The following THSD7B variants were observed in gnomAD, a reference collection of about 807,000 sequenced individuals.
THSD7B encodes the protein thrombospondin type-1 domain-containing protein 7B.
THSD7B carries 138 observed loss-of-function variants against 213.6 expected under a neutral mutation model. That is an observed-to-expected ratio of 0.65 (90% CI 0.56 to 0.74). The LOEUF (loss-of-function observed/expected upper bound fraction) is 0.74, where lower values mean the gene tolerates loss of function less well. Ranked by LOEUF, THSD7B falls within the 30% of genes least tolerant of loss-of-function variation. The pLI is 0.00. For synonymous variants in THSD7B, 742 were observed against 687.0 expected (o/e 1.08, Z -1.25); for missense variants, 1,931 against 1,991.5 (o/e 0.97, Z 0.58).
At chr2:137,419,541 C>CT (rs1179021388) in intron 14 of THSD7B, among the ~76,000 whole-genome samples, 2 of 151,292 alleles carry the variant, frequency 1.3e-5, no homozygotes, top group African/African-American at 4.8e-5. Flanking sequence ...GGGTCCAGGG[C>CT]TTTTATGTGT....
chr2:137,104,666 C>T (rs1183994630), intron 4 of THSD7B, among the ~76,000 whole-genome samples: 5 of 151,650 alleles, frequency 3.3e-5, no homozygotes, highest in Non-Finnish European at 5.9e-5. Context: ...GCTAGCCAGA[C>T]TAATAAAGAA....
chr2:137,061,115 T>C (rs1019476755), intron 3 of THSD7B, among the ~76,000 whole-genome samples: 1 of 151,834 alleles, frequency 6.6e-6, no homozygotes, highest in South Asian at 2.1e-4. Flanking sequence ...ACATAAATGG[T>C]ATTGTGTTTT....
At chr2:137,369,177 A>G (rs1255530582) in intron 12 of THSD7B, among the ~76,000 whole-genome samples, 1 of 151,064 alleles carries the variant, frequency 6.6e-6, no homozygotes, top group East Asian at 1.9e-4. Flanking sequence ...ATTTTTGACA[A>G]CTTTAGACAC....
At chr2:137,071,126 A>G (rs1032484075) in intron 3 of THSD7B, among the ~76,000 whole-genome samples, 4 of 152,200 alleles carry the variant, frequency 2.6e-5, no homozygotes, top group African/African-American at 9.7e-5. Flanking sequence ...TAGATCCCTG[A>G]GGAATCGCCA....
At chr2:136,958,690 G>A (rs2105081756) in intron 2 of THSD7B, among the ~76,000 whole-genome samples, 1 of 152,172 alleles carries the variant, frequency 6.6e-6, no homozygotes, top group East Asian at 1.9e-4. Flanking sequence ...GGAACAGTGA[G>A]TTACCTTATT....
At chr2:137,132,292 G>A (rs1688749802) in intron 5 of THSD7B, among the ~76,000 whole-genome samples, 1 of 151,322 alleles carries the variant, frequency 6.6e-6, no homozygotes, top group Admixed American at 6.6e-5. Flanking sequence ...TGAGACAATG[G>A]GGTTTTCTAG....
chr2:137,637,850 A>G (rs1471005183), intron 20 of THSD7B, among the ~76,000 whole-genome samples: 4 of 152,228 alleles, frequency 2.6e-5, no homozygotes, highest in Non-Finnish European at 5.9e-5. Flanking sequence ...AGGTGACACC[A>G]CATTGTCATT....
At position 137,667,785 on chromosome 2, in the gene THSD7B, A is replaced by C. The variant is rs1404707491; in HGVS notation, c.4663A>C (p.Lys1555Gln). 2 of 1,604,784 alleles carry C rather than the reference A, an allele frequency of 1.2e-6. No homozygotes were observed. The highest frequency in any genetic ancestry group is 1.7e-6 in the Non-Finnish European group (2 of 1,175,016). Reference sequence around the variant, plus strand: ...TCTATTTTAAACAGATGGCCGAGTAAAAATTTGGGTTTATGGCGTTTCAGG... The same window carrying C: ...TCTATTTTAAACAGATGGCCGAGTACAAATTTGGGTTTATGGCGTTTCAGG... ...LQPLDPDGRVKIWVYGVSGGA... is the reference protein window; with the variant it reads ...LQPLDPDGRVQIWVYGVSGGA... The change falls in exon 27 of 28, where the codon AAA becomes CAA. Residue 1555 changes from lysine to glutamine, a missense_variant. Physicochemically the swap from Lys to Gln is moderately conservative, Grantham distance 53 (BLOSUM62 1). Coordinates refer to ENST00000409968, the MANE Select transcript of THSD7B (RefSeq NM_001316349.2).
chr2:137,373,711 G>C (rs1185763784), intron 12 of THSD7B, among the ~76,000 whole-genome samples: 2 of 152,138 alleles, frequency 1.3e-5, no homozygotes. Context: ...AATTAGATTC[G>C]ATTTGTCAAT....
At chr2:137,519,026 T>C (rs1680128669) in intron 15 of THSD7B, among the ~76,000 whole-genome samples, 1 of 152,142 alleles carries the variant, frequency 6.6e-6, no homozygotes, top group African/African-American at 2.4e-5. Flanking sequence ...GGCAGGTGGA[T>C]CACGAGGTCA....
intron 1 of THSD7B, among the ~76,000 whole-genome samples, chr2:136,783,393 G>A (rs570890274): frequency 6.6e-6 from 1 of 152,214 alleles, no homozygotes; most frequent in African/African-American, 2.4e-5. Context: ...GGTTCTCGTT[G>A]AACCAAAGGG....
intron 14 of THSD7B, among the ~76,000 whole-genome samples, chr2:137,447,397 G>A (rs1408045756): frequency 1.3e-5 from 2 of 152,122 alleles, no homozygotes; most frequent in South Asian, 2.1e-4. Context: ...CATATGTGAA[G>A]TATGCATGCC....
chr2:137,662,422 G>T (rs1209794907), intron 25 of THSD7B, among the ~76,000 whole-genome samples: 1 of 151,522 alleles, frequency 6.6e-6, no homozygotes, highest in Admixed American at 6.6e-5. Context: ...TTTCCCTCGT[G>T]CTCGCTGCAA....
At chr2:137,081,503 A>C (rs543437598) in intron 3 of THSD7B, among the ~76,000 whole-genome samples, 38 of 151,778 alleles carry the variant, frequency 2.5e-4, no homozygotes, top group Non-Finnish European at 4.7e-4. Flanking sequence ...CAATTTTGAA[A>C]ATTTTTTTGC....
intron 12 of THSD7B, among the ~76,000 whole-genome samples, chr2:137,278,195 C>T (rs1187567491): frequency 6.6e-6 from 1 of 151,994 alleles, no homozygotes; most frequent in Non-Finnish European, 1.5e-5. Flanking sequence ...TAGAAAAATA[C>T]TCATTAAGGA....
intron 2 of THSD7B, among the ~76,000 whole-genome samples, chr2:136,960,943 G>A (rs979045923): frequency 2.0e-5 from 3 of 151,626 alleles, no homozygotes. Context: ...CAAAAAATTA[G>A]CTGGGCAAGG....
intron 7 of THSD7B, 59 bp from the exon 8 acceptor site, chr2:137,230,985 A>G (rs1267848791): frequency 2.6e-6 from 4 of 1,510,972 alleles, no homozygotes; most frequent in African/African-American, 1.4e-5. Flanking sequence ...AGTAATAGAT[A>G]AAGCAGTGAG....
At chr2:137,674,331 G>A (rs1180321108) in intron 27 of THSD7B, among the ~76,000 whole-genome samples, 2 of 149,382 alleles carry the variant, frequency 1.3e-5, no homozygotes, top group African/African-American at 4.8e-5. Flanking sequence ...ACCAAGAGAG[G>A]TGGGAGGGAG....
chr2:137,421,879 C>A (rs977311507), intron 14 of THSD7B, among the ~76,000 whole-genome samples: 1 of 152,130 alleles, frequency 6.6e-6, no homozygotes, highest in Non-Finnish European at 1.5e-5. Context: ...TGGATGAACA[C>A]CAATATAAAT....
Sources: gnomAD v4.1 joint callset for allele counts (sites outside exome capture counted in the v4.1 genomes callset) on GRCh38, gnomAD v4.1.1 for gene constraint, MANE v1.5 for transcripts, NCBI Gene and HGNC (gene_info 2026-07-23, HGNC 2026-07-21) for gene names.